The following ARPC5 variants were observed in gnomAD, a reference collection of about 807,000 sequenced individuals.
The protein encoded by ARPC5 is actin related protein 2/3 complex subunit 5.
ARPC5 carries 5 observed loss-of-function variants against 15.4 expected under a neutral mutation model. The observed-to-expected ratio is 0.32, with a 90% CI of 0.17 to 0.68. ARPC5 has a LOEUF of 0.68. Among genes scored for constraint, ARPC5 ranks in the 30% least tolerant of loss-of-function variants. ARPC5 has a pLI of 0.71. For missense variants in ARPC5, 138 were observed against 192.8 expected (o/e 0.72, Z 1.68); for synonymous variants, 85 against 72.2 (o/e 1.18, Z -0.90).
intron 3 of ARPC5, among the ~76,000 whole-genome samples, chr1:183,629,819 C>CT (rs1649214703): frequency 6.6e-6 from 1 of 152,202 alleles, no homozygotes; most frequent in Admixed American, 6.5e-5. Flanking sequence ...GCCATCACCA[C>CT]TATCTGTTTC....
At position 183,621,495 on chromosome 1, in the gene ARPC5, G is replaced by C. The variant is rs559883942; in HGVS notation, c.*6037C>G. On this transcript the variant is annotated 3_prime_UTR_variant, in exon 4 of 4. Coordinates refer to ENST00000359856, the MANE Select transcript of ARPC5 (RefSeq NM_005717.4). ...AAAGTGGTCCCAATCCAGACCCCAA[G>C]TGAGCGTTCTTGGATCTCACACAAG... is the stretch of plus-strand genomic sequence containing the variant. 1 of 152,322 alleles carries C rather than the reference G, an allele frequency of 6.6e-6. No homozygotes were observed. Among genetic ancestry groups the C allele is most frequent in the Non-Finnish European group, 1.5e-5 (1 of 68,026 alleles). 9.4% of individuals were successfully genotyped at this position (152,322 alleles called of 1,614,324 possible).
chr1:183,633,195 A>G (rs1268755603), intron 1 of ARPC5, 41 bp from the exon 2 acceptor site: 8 of 1,444,830 alleles, frequency 5.5e-6, no homozygotes, highest in East Asian at 2.4e-5. Context: ...GATGGCCCCC[A>G]GGAAAGCATT....
In ARPC5 at chr1:183,625,855, C is replaced by T. The variant is rs1433732812; in HGVS notation, c.*1677G>A. On this transcript the variant is annotated 3_prime_UTR_variant, in exon 4 of 4. Transcript: ENST00000359856. ...AGAAGTCGCTGTGAGTAGGTAAGTA[C>T]AAGAAATAGATTTGAGGTGAAAGAA... 1 of 152,182 alleles carries T rather than the reference C, an allele frequency of 6.6e-6. No homozygotes were observed. The highest frequency in any genetic ancestry group is 1.9e-4 in the East Asian group (1 of 5,188). The allele number at this position is 152,182 out of a possible 1,614,324, so 9.4% of individuals were successfully genotyped here. A position where few individuals can be genotyped will look rare whatever the true frequency, so the allele number is the denominator to read the frequency against.
chr1:183,635,683 G>C lies in ARPC5; in HGVS notation c.-24C>G, dbSNP rs201327595. 277 of 1,605,506 alleles carry C rather than the reference G, an allele frequency of 1.7e-4. No homozygotes were observed. Among genetic ancestry groups the C allele is most frequent in the South Asian group, 2.2e-4 (20 of 89,842 alleles). ...ATCCCAATCCCGACCAGCGGCAAAG[G>C]CCTCTTCTTGGCGCTGCCTCTACCT... On this transcript the variant is annotated 5_prime_UTR_variant, in exon 1 of 4. Coordinates refer to ENST00000359856, the MANE Select transcript of ARPC5 (RefSeq NM_005717.4).
rs1267480102 is a variant in ARPC5, at chr1:183,624,870, T to C, written c.*2662A>G. On this transcript the variant is annotated 3_prime_UTR_variant, in exon 4 of 4. Coordinates refer to ENST00000359856, the MANE Select transcript of ARPC5 (RefSeq NM_005717.4). Reference sequence around the variant, plus strand: ...GAACAAGATTCAGACCTTATTCTTCTGTTATGTCCTCATGATCCTGGGATC... The same window carrying C: ...GAACAAGATTCAGACCTTATTCTTCCGTTATGTCCTCATGATCCTGGGATC... 4.6e-5 allele frequency: 7 copies of C among 152,224 alleles called. No homozygotes were observed. The highest frequency in any genetic ancestry group is 3.9e-4 in the Admixed American group (6 of 15,286). The allele number at this position is 152,224 out of a possible 1,614,324, so 9.4% of individuals were successfully genotyped here.
Position 183,622,915 on chromosome 1 carries a change from G to A in ARPC5, c.*4617C>T, listed in dbSNP as rs919080463. 1 of 155,076 alleles carries A rather than the reference G, an allele frequency of 6.4e-6. No homozygotes were observed. Among genetic ancestry groups the A allele is most frequent in the Non-Finnish European group, 1.4e-5 (1 of 69,728 alleles). The allele number at this position is 155,076 out of a possible 1,614,324, so 9.6% of individuals were successfully genotyped here. A position where few individuals can be genotyped will look rare whatever the true frequency, so the allele number is the denominator to read the frequency against. ...TGTATAGTTCTCAATTTGTACTTCT[G>A]ATGTGTTGCCCTATTCAGGTACCCT... On this transcript the variant is annotated 3_prime_UTR_variant, in exon 4 of 4. Coordinates refer to ENST00000359856, the MANE Select transcript of ARPC5 (RefSeq NM_005717.4).
In ARPC5 at chr1:183,623,333, T is replaced by C. The variant is rs571945879; in HGVS notation, c.*4199A>G. The C allele has an allele frequency of 8.2e-7, 1 of 1,219,396 alleles. No homozygotes were observed. The highest frequency in any genetic ancestry group is 2.0e-5 in the Admixed American group (1 of 48,914). The allele number at this position is 1,219,396 out of a possible 1,614,324, so 75.5% of individuals were successfully genotyped here. On this transcript the variant is annotated 3_prime_UTR_variant, in exon 4 of 4. Transcript: ENST00000359856. ...AAATGATAAAGGAAAATAGAAATGT[T>C]AAAGTGAATGCTGTGTCCCATGTTG... is the stretch of plus-strand genomic sequence containing the variant.
In ARPC5 at chr1:183,630,453, T is replaced by A. The variant is rs752574159; in HGVS notation, c.393+8A>T. 1 of 1,595,032 alleles carries A rather than the reference T, an allele frequency of 6.3e-7. No individual in the cohort carries two copies. Among genetic ancestry groups the A allele is most frequent in the Non-Finnish European group, 8.5e-7 (1 of 1,169,870 alleles). ...ACCAGTCATATAGATTTATAATTCA[T>A]AACTTACCTTTTCATGCCATTGCAG... is the stretch of plus-strand genomic sequence containing the variant. On this transcript the variant is annotated splice_region_variant and intron_variant, in intron 3 of 3. Coordinates refer to ENST00000359856, the MANE Select transcript of ARPC5 (RefSeq NM_005717.4).
In ARPC5 at chr1:183,623,600, T is replaced by C. The variant is rs1307633860; in HGVS notation, c.*3932A>G. 2.2e-6 allele frequency: 3 copies of C among 1,337,322 alleles called. No homozygotes were observed. The Admixed American group carries it at 5.9e-5, about 26-fold the overall frequency. 82.8% of individuals were successfully genotyped at this position (1,337,322 alleles called of 1,614,324 possible). A position where few individuals can be genotyped will look rare whatever the true frequency, so the allele number is the denominator to read the frequency against. On this transcript the variant is annotated 3_prime_UTR_variant, in exon 4 of 4. Coordinates refer to ENST00000359856, the MANE Select transcript of ARPC5 (RefSeq NM_005717.4). Reference sequence around the variant, plus strand: ...CAGAAGCAGCCTTGTTTAAGGGCACTTGGTTCTACAGAGGCCGTTGGTCTG... The same window carrying C: ...CAGAAGCAGCCTTGTTTAAGGGCACCTGGTTCTACAGAGGCCGTTGGTCTG...
intron 1 of ARPC5, among the ~76,000 whole-genome samples, chr1:183,634,914 C>G (rs74130105): frequency 7.9e-6 from 1 of 125,814 alleles, no homozygotes; most frequent in African/African-American, 3.7e-5. Context: ...TCTTCTTCTT[C>G]TTTTTTTTTT....
chr1:183,628,152 G>A (rs981709237), intron 3 of ARPC5, among the ~76,000 whole-genome samples: 8 of 115,296 alleles, frequency 6.9e-5, no homozygotes, highest in Admixed American at 1.3e-4. Context: ...CAGCCTGGGC[G>A]ACAGAGCAAG....
chr1:183,631,565 G>C (rs1321317106), intron 2 of ARPC5: 1 of 128,364 alleles, frequency 7.8e-6, no homozygotes, highest in Non-Finnish European at 1.6e-5. Context: ...GGGTGATAGA[G>C]TGAGACTCCG....
rs1649066727 is a variant in ARPC5, at chr1:183,625,355, C to A, written c.*2177G>T. The A allele has an allele frequency of 6.6e-6, 1 of 152,148 alleles. No homozygotes were observed. Among genetic ancestry groups the A allele is most frequent in the Non-Finnish European group, 1.5e-5 (1 of 68,016 alleles). The allele number at this position is 152,148 out of a possible 1,614,324, so 9.4% of individuals were successfully genotyped here. A position where few individuals can be genotyped will look rare whatever the true frequency, so the allele number is the denominator to read the frequency against. On this transcript the variant is annotated 3_prime_UTR_variant, in exon 4 of 4. Coordinates refer to ENST00000359856, the MANE Select transcript of ARPC5 (RefSeq NM_005717.4). ...TACTTGTTAAATATTTTTAGTATCT[C>A]CCCTCAGTAAAGCTGATAGACTGGC... is the stretch of plus-strand genomic sequence containing the variant.
Position 183,633,072 on chromosome 1 carries a change from T to C in ARPC5, c.216+10A>G, listed in dbSNP as rs1350540492. On this transcript the variant is annotated intron_variant, in intron 2 of 3. Coordinates refer to ENST00000359856, the MANE Select transcript of ARPC5 (RefSeq NM_005717.4). ...CAGCAGAGATCACTGTGTTGTAGTCTGCGACTCACCTTCACTGCCTGACTC... is the reference window on the plus strand; with the variant it reads ...CAGCAGAGATCACTGTGTTGTAGTCCGCGACTCACCTTCACTGCCTGACTC... 6.3e-7 allele frequency: 1 copy of C among 1,594,634 alleles called. No individual in the cohort carries two copies. Among genetic ancestry groups the C allele is most frequent in the South Asian group, 1.1e-5 (1 of 88,858 alleles).
In ARPC5 at chr1:183,625,700, G is replaced by C. The variant is rs1009177265; in HGVS notation, c.*1832C>G. ...ACTGCACTCCAGCCTGGGCAGCATAGCAAGTCCCCATCTCTAAGTAATATT... is the reference window on the plus strand; with the variant it reads ...ACTGCACTCCAGCCTGGGCAGCATACCAAGTCCCCATCTCTAAGTAATATT... On this transcript the variant is annotated 3_prime_UTR_variant, in exon 4 of 4. Coordinates refer to ENST00000359856, the MANE Select transcript of ARPC5 (RefSeq NM_005717.4). 1.3e-5 allele frequency: 2 copies of C among 152,246 alleles called. No individual in the cohort carries two copies. Among genetic ancestry groups the C allele is most frequent in the African/African-American group, 4.8e-5 (2 of 41,450 alleles). The allele number at this position is 152,246 out of a possible 1,614,324, so 9.4% of individuals were successfully genotyped here.
chr1:183,627,630 A>G, intron 3 of ARPC5, 36 bp from the exon 4 acceptor site: 2 of 1,532,452 alleles, frequency 1.3e-6, no homozygotes, highest in Non-Finnish European at 1.8e-6. Context: ...TTGACAGAAT[A>G]ATAAAAGGTC....
chr1:183,627,360 T>A lies in ARPC5; in HGVS notation c.*172A>T, dbSNP rs915998402. ...ACAATTTCTTCTATATTATCCCAATTTTCATTAAAGGACAACTGATATGTA... is the reference window on the plus strand; with the variant it reads ...ACAATTTCTTCTATATTATCCCAATATTCATTAAAGGACAACTGATATGTA... On this transcript the variant is annotated 3_prime_UTR_variant, in exon 4 of 4. Transcript: ENST00000359856. 1.5e-6 allele frequency: 1 copy of A among 667,724 alleles called. No individual in the cohort carries two copies. Among genetic ancestry groups the A allele is most frequent in the Non-Finnish European group, 2.7e-6 (1 of 366,530 alleles). 41.4% of individuals were successfully genotyped at this position (667,724 alleles called of 1,614,324 possible). A position where few individuals can be genotyped will look rare whatever the true frequency, so the allele number is the denominator to read the frequency against.
chr1:183,623,770 C>T lies in ARPC5; in HGVS notation c.*3762G>A. 2.4e-6 allele frequency: 1 copy of T among 420,072 alleles called. No homozygotes were observed. Among genetic ancestry groups the T allele is most frequent in the Middle Eastern group, 6.7e-4 (1 of 1,496 alleles). The allele number at this position is 420,072 out of a possible 1,614,324, so 26.0% of individuals were successfully genotyped here. A position where few individuals can be genotyped will look rare whatever the true frequency, so the allele number is the denominator to read the frequency against. On this transcript the variant is annotated 3_prime_UTR_variant, in exon 4 of 4. Coordinates refer to ENST00000359856, the MANE Select transcript of ARPC5 (RefSeq NM_005717.4). ...TGGGCGCGGTGGTCACGCCTGTAAT[C>T]CCAGTGCTTTGGGAGGCGGAGGAGG...
intron 1 of ARPC5, among the ~76,000 whole-genome samples, chr1:183,634,960 A>T (rs11808304): frequency 0.08 from 11,705 of 145,624 alleles, 933 homozygotes; most frequent in African/African-American, 0.21. Context: ...AAGCACAGGG[A>T]CCCTCAATTT....
Sources: allele counts gnomAD v4.1 joint callset (sites outside exome capture counted in the v4.1 genomes callset), GRCh38; gene constraint gnomAD v4.1.1; transcripts MANE v1.5; gene names NCBI Gene and HGNC (gene_info 2026-07-23, HGNC 2026-07-21).